Variants in ATP10A observed in about 807,000 individuals in gnomAD.
ATP10A encodes the protein ATPase phospholipid transporting 10A (putative), also known as phospholipid-transporting ATPase VA.
Under a neutral mutation model 147.8 loss-of-function variants are expected in ATP10A, and 111 were observed. The ratio of observed to expected loss-of-function variants is 0.75; its 90% CI spans 0.64 to 0.88. ATP10A has a LOEUF of 0.88. ATP10A is among the 40% of genes least tolerant of loss of function. The pLI is 0.00. For missense variants in ATP10A, 1,927 were observed against 1,959.0 expected (o/e 0.98, Z 0.31); for synonymous variants, 875 against 841.6 (o/e 1.04, Z -0.69).
intron 1 of ATP10A, among the ~76,000 whole-genome samples, chr15:25,808,689 C>T (rs138282202): frequency 6.6e-6 from 1 of 152,206 alleles, no homozygotes; most frequent in Non-Finnish European, 1.5e-5. Flanking sequence ...TGGCTGAGAA[C>T]AGTTTTATAA....
chr15:25,732,753 C>T (rs1049005353), intron 3 of ATP10A, among the ~76,000 whole-genome samples: 2 of 151,816 alleles, frequency 1.3e-5, no homozygotes, highest in Non-Finnish European at 2.9e-5. Flanking sequence ...GACGGGGTTT[C>T]ACCGTGTTAG....
intron 1 of ATP10A, among the ~76,000 whole-genome samples, chr15:25,791,832 T>G (rs1189856597): frequency 6.6e-6 from 1 of 152,222 alleles, no homozygotes; most frequent in Non-Finnish European, 1.5e-5. Flanking sequence ...GTTTTAACAT[T>G]TCTAGTTGTA....
intron 13 of ATP10A, among the ~76,000 whole-genome samples, chr15:25,701,071 T>C (rs1177967873): frequency 6.6e-6 from 1 of 151,960 alleles, no homozygotes; most frequent in African/African-American, 2.4e-5. Context: ...TAGAATCCAA[T>C]GGAACAAGGT....
intron 2 of ATP10A, among the ~76,000 whole-genome samples, chr15:25,761,189 G>T (rs1194237087): frequency 6.6e-6 from 1 of 152,162 alleles, no homozygotes; most frequent in East Asian, 1.9e-4. Flanking sequence ...AGGACACACT[G>T]TATTATTCCA....
intron 2 of ATP10A, among the ~76,000 whole-genome samples, chr15:25,775,349 G>A (rs1406472888): frequency 1.3e-5 from 2 of 152,152 alleles, no homozygotes; most frequent in Non-Finnish European, 2.9e-5. Flanking sequence ...GTAACTTGGG[G>A]TGGGACTGAC....
chr15:25,696,273 A>AG (rs1425369499), intron 13 of ATP10A, among the ~76,000 whole-genome samples: 8 of 152,234 alleles, frequency 5.3e-5, no homozygotes, highest in African/African-American at 1.9e-4. Context: ...TTACTGCCGT[A>AG]GGGGGAACAG....
chr15:25,700,072 A>G (rs1045374835), intron 13 of ATP10A, among the ~76,000 whole-genome samples: 2 of 152,226 alleles, frequency 1.3e-5, no homozygotes, highest in Non-Finnish European at 2.9e-5. Flanking sequence ...TAGAAAATGG[A>G]AAAATACTTG....
At chr15:25,695,560 C>T (rs1009626917) in intron 13 of ATP10A, among the ~76,000 whole-genome samples, 3 of 152,012 alleles carry the variant, frequency 2.0e-5, no homozygotes, top group African/African-American at 4.8e-5. Context: ...ACCTGGGAGG[C>T]GGAGCTTGCA....
chr15:25,840,860 C>T (rs1454962337), intron 1 of ATP10A, among the ~76,000 whole-genome samples: 1 of 152,132 alleles, frequency 6.6e-6, no homozygotes, highest in Non-Finnish European at 1.5e-5. Flanking sequence ...GCAGTGGTAT[C>T]TCTGAGTGGC....
intron 2 of ATP10A, among the ~76,000 whole-genome samples, chr15:25,764,334 T>C (rs967493763): frequency 2.6e-5 from 4 of 152,158 alleles, no homozygotes; most frequent in Non-Finnish European, 5.9e-5. Flanking sequence ...CCAAAATGTA[T>C]ATGTTAAAAC....
At chr15:25,794,561 T>C (rs979467195) in intron 1 of ATP10A, among the ~76,000 whole-genome samples, 3 of 152,142 alleles carry the variant, frequency 2.0e-5, no homozygotes, top group African/African-American at 7.2e-5. Flanking sequence ...GATCAAAATA[T>C]ACCATGGAGA....
intron 3 of ATP10A, among the ~76,000 whole-genome samples, chr15:25,728,474 G>A (rs977012345): frequency 5.9e-5 from 9 of 152,114 alleles, no homozygotes; most frequent in African/African-American, 1.2e-4. Context: ...GATTCGAGAC[G>A]GCAAACCACT....
intron 2 of ATP10A, among the ~76,000 whole-genome samples, chr15:25,772,143 T>C (rs1267432037): frequency 6.6e-6 from 1 of 152,186 alleles, no homozygotes; most frequent in African/African-American, 2.4e-5. Flanking sequence ...TTGATACTTC[T>C]GCCTCAGTCA....
intron 1 of ATP10A, among the ~76,000 whole-genome samples, chr15:25,848,445 C>T (rs1893131991): frequency 6.6e-6 from 1 of 152,238 alleles, no homozygotes; most frequent in Non-Finnish European, 1.5e-5. Context: ...TGTGCCACTG[C>T]ACCGGCTAAA....
intron 2 of ATP10A, among the ~76,000 whole-genome samples, chr15:25,768,476 T>A (rs1889146114): frequency 6.6e-6 from 1 of 151,526 alleles, no homozygotes; most frequent in Non-Finnish European, 1.5e-5. Flanking sequence ...CAGACCCAGG[T>A]CCAGGTCCAG....
intron 9 of ATP10A, among the ~76,000 whole-genome samples, chr15:25,716,471 G>C (rs1225391497): frequency 1.3e-5 from 2 of 152,192 alleles, no homozygotes; most frequent in Non-Finnish European, 2.9e-5. Context: ...CCCAGGCTCA[G>C]AAGTCATCTC....
At chr15:25,751,112 A>T (rs12440401) in intron 2 of ATP10A, among the ~76,000 whole-genome samples, 10,734 of 152,174 alleles carry the variant, frequency 0.071, 910 homozygotes, top group Admixed American at 0.19. Flanking sequence ...TAAATACAAG[A>T]TGCAAATATG....
intron 1 of ATP10A, among the ~76,000 whole-genome samples, chr15:25,834,582 G>T (rs531609471): frequency 1.3e-5 from 2 of 152,198 alleles, no homozygotes; most frequent in Admixed American, 1.3e-4. Context: ...AAACCTCAGG[G>T]GTATCGTGTG....
rs558086745 is a variant in ATP10A, at chr15:25,778,596, C to T, written c.654+2423G>A. 9.2e-5 allele frequency among the ~76,000 whole-genome samples: 14 copies of T among 151,934 alleles called. No individual in the cohort carries two copies. In the East Asian group the frequency reaches 2.3e-3, roughly 25 times the overall value. ...TGCTAATAAAACAATTTTTTAAAAA[C>T]CCTCAGAATTGTTTAGGCTGTTAGT... is the stretch of plus-strand genomic sequence containing the variant. On this transcript the variant is annotated intron_variant, in intron 2 of 20. Transcript: ENST00000555815.
Sources: allele counts gnomAD v4.1 joint callset (sites outside exome capture counted in the v4.1 genomes callset), GRCh38; gene constraint gnomAD v4.1.1; transcripts MANE v1.5; gene names NCBI Gene and HGNC (gene_info 2026-07-23, HGNC 2026-07-21).